GAPVD1: variants seen among roughly 807,000 people sequenced by gnomAD.
GAPVD1 encodes the protein GTPase activating protein and VPS9 domains 1.
A neutral mutation model predicts 155.5 loss-of-function variants in GAPVD1; 35 were observed. That is an observed-to-expected ratio of 0.23 (90% CI 0.17 to 0.30). GAPVD1 has a LOEUF of 0.30. Ranked by LOEUF, GAPVD1 falls within the 10% of genes least tolerant of loss-of-function variation. The pLI is 1.00. For synonymous variants in GAPVD1, 636 were observed against 619.7 expected (o/e 1.03, Z -0.39); for missense variants, 1,429 against 1,775.7 (o/e 0.80, Z 3.51).
chr9:125,322,801 C>A (rs1844532496), intron 10 of GAPVD1, among the ~76,000 whole-genome samples: 1 of 151,826 alleles, frequency 6.6e-6, no homozygotes, highest in South Asian at 2.1e-4. Context: ...GCCTCTAATC[C>A]CAGCACTTTG....
chr9:125,355,175 G>A (rs1343008529), intron 24 of GAPVD1, among the ~76,000 whole-genome samples: 1 of 152,104 alleles, frequency 6.6e-6, no homozygotes, highest in African/African-American at 2.4e-5. Flanking sequence ...GGAGTACAGT[G>A]GCGTGATCTC....
intron 2 of GAPVD1, among the ~76,000 whole-genome samples, chr9:125,290,058 A>T (rs1308944525): frequency 2.0e-5 from 3 of 152,154 alleles, no homozygotes; most frequent in Non-Finnish European, 2.9e-5. Context: ...AGGAGGAATG[A>T]TATTTACCAT....
chr9:125,328,995 TGCCTGCAGTCGCAG>T (rs1306776073), intron 12 of GAPVD1, among the ~76,000 whole-genome samples: 40 of 145,154 alleles, frequency 2.8e-4, no homozygotes, highest in Non-Finnish European at 5.6e-4. Flanking sequence ...TGGCGGCGCG[TGCCTGCAGTCGCAG>T]GCACTCGGCA....
chr9:125,321,326 A>C, intron 9 of GAPVD1, 107 bp from the exon 10 acceptor site: 2 of 739,602 alleles, frequency 2.7e-6, no homozygotes, highest in Non-Finnish European at 4.5e-6. Context: ...TTTGTAGTTA[A>C]AAATTGATAA....
At position 125,354,850 on chromosome 9, in the gene GAPVD1, A is replaced by G. The variant is rs1284513515; in HGVS notation, c.3757+9A>G. ...CAGGGAATTCATTCAAGGTAACTCAATACCTTTAGTTTAAGCATCTCTTCA... is the reference window on the plus strand; with the variant it reads ...CAGGGAATTCATTCAAGGTAACTCAGTACCTTTAGTTTAAGCATCTCTTCA... On this transcript the variant is annotated intron_variant, in intron 24 of 27. Coordinates refer to ENST00000297933, the MANE Select transcript of GAPVD1 (RefSeq NM_001282680.3). The G allele has an allele frequency of 7.0e-6, 11 of 1,573,412 alleles. No individual in the cohort carries two copies. The highest frequency in any genetic ancestry group is 9.6e-6 in the Non-Finnish European group (11 of 1,142,824).
intron 19 of GAPVD1, 48 bp from the exon 20 acceptor site, chr9:125,346,771 T>C: frequency 7.0e-7 from 1 of 1,438,254 alleles, no homozygotes; most frequent in East Asian, 2.3e-5. Flanking sequence ...ACATCAGAGG[T>C]GGTACAAACC....
At chr9:125,312,004 T>C (rs1175521473) in intron 8 of GAPVD1, among the ~76,000 whole-genome samples, 1 of 152,138 alleles carries the variant, frequency 6.6e-6, no homozygotes, top group African/African-American at 2.4e-5. Flanking sequence ...ACAGGAGTAA[T>C]CCCTCATATG....
intron 19 of GAPVD1, among the ~76,000 whole-genome samples, chr9:125,344,215 C>A (rs2132182025): frequency 6.6e-6 from 1 of 152,214 alleles, no homozygotes; most frequent in East Asian, 1.9e-4. Context: ...AATTCTGTGA[C>A]CCTAACTACT....
chr9:125,318,287 A>G (rs1468960207), intron 9 of GAPVD1, among the ~76,000 whole-genome samples: 1 of 152,180 alleles, frequency 6.6e-6, no homozygotes, highest in Admixed American at 6.5e-5. Context: ...GTGGCCAGCT[A>G]AAGTTTTTTT....
intron 23 of GAPVD1, among the ~76,000 whole-genome samples, chr9:125,353,537 G>A (rs1458053171): frequency 3.3e-5 from 5 of 152,090 alleles, no homozygotes; most frequent in Non-Finnish European, 7.3e-5. Context: ...CCAATTTACT[G>A]TATTTGTCTG....
rs939206812 is a variant in GAPVD1 at position 125,306,141 on chromosome 9, C to A, written c.1116+992C>A. Among the ~76,000 whole-genome samples, 3 of 151,980 alleles carry A rather than the reference C, an allele frequency of 2.0e-5. No individual in the cohort carries two copies. The South Asian group carries it at 6.2e-4, about 32-fold the overall frequency. ...CTCTAGTCTTCATTCCCTGCCCCCACAAAACATTCTTTTTTTTTTTGAGAC... is the reference window on the plus strand; with the variant it reads ...CTCTAGTCTTCATTCCCTGCCCCCAAAAAACATTCTTTTTTTTTTTGAGAC... On this transcript the variant is annotated intron_variant, in intron 6 of 27. Coordinates refer to ENST00000297933, the MANE Select transcript of GAPVD1 (RefSeq NM_001282680.3).
chr9:125,275,816 A>C, intron 2 of GAPVD1, among the ~76,000 whole-genome samples: 1 of 152,194 alleles, frequency 6.6e-6, no homozygotes, highest in East Asian at 1.9e-4. Context: ...TAATGATTTC[A>C]AGTTATATAA....
chr9:125,336,948 C>T (rs1490156700), intron 15 of GAPVD1, 70 bp from the exon 16 acceptor site: 4 of 845,474 alleles, frequency 4.7e-6, no homozygotes, highest in African/African-American at 1.7e-5. Flanking sequence ...ATACTTAAAA[C>T]CCTTTAAACT....
chr9:125,317,233 G>T (rs1003813528), intron 9 of GAPVD1, among the ~76,000 whole-genome samples: 27 of 151,684 alleles, frequency 1.8e-4, no homozygotes, highest in Non-Finnish European at 4.0e-4. Context: ...CAGGAGAATC[G>T]CTTGAACCTG....
rs532605677 is a variant in GAPVD1, at chr9:125,268,167, A to G, written c.-198-769A>G. ...CAACAAGAACAAAACTCTGTCTCAA[A>G]AAAAAACAACAACAAACAAACAAAC... On this transcript the variant is annotated intron_variant, in intron 1 of 27. Coordinates refer to ENST00000297933, the MANE Select transcript of GAPVD1 (RefSeq NM_001282680.3). Among the ~76,000 whole-genome samples, 8 of 151,058 alleles carry G rather than the reference A, an allele frequency of 5.3e-5. No homozygotes were observed. The East Asian group carries it at 7.8e-4, about 15-fold the overall frequency.
rs1342440891 is a variant in GAPVD1 at position 125,310,406 on chromosome 9, T to A, written c.1442-2046T>A. ...CATACAATGTGAAGTTGACTTTTGC[T>A]GCTACTATAGTTGTTTTTGCTTTAT... On this transcript the variant is annotated intron_variant, in intron 8 of 27. Transcript: ENST00000297933. 3.3e-5 allele frequency among the ~76,000 whole-genome samples: 5 copies of A among 152,228 alleles called. No individual in the cohort carries two copies. In the East Asian group the frequency reaches 9.6e-4, roughly 29 times the overall value.
intron 2 of GAPVD1, among the ~76,000 whole-genome samples, chr9:125,272,348 G>A (rs1835055356): frequency 6.6e-6 from 1 of 152,174 alleles, no homozygotes; most frequent in Non-Finnish European, 1.5e-5. Context: ...TTTATGCAGA[G>A]ATGATTTCAT....
chr9:125,360,431 A>G (rs1850736649), intron 26 of GAPVD1, 97 bp from the exon 27 acceptor site: 1 of 902,398 alleles, frequency 1.1e-6, no homozygotes, highest in South Asian at 1.5e-5. Flanking sequence ...AAAAGCAACC[A>G]CATTATCCTC....
At chr9:125,290,632 G>T (rs543455521) in intron 2 of GAPVD1, among the ~76,000 whole-genome samples, 1 of 152,280 alleles carries the variant, frequency 6.6e-6, no homozygotes, top group African/African-American at 2.4e-5. Flanking sequence ...TGGAGAGTGG[G>T]ACAGTGGGGG....
Sources: gnomAD v4.1 joint callset for allele counts (sites outside exome capture counted in the v4.1 genomes callset) on GRCh38, gnomAD v4.1.1 for gene constraint, MANE v1.5 for transcripts, NCBI Gene and HGNC (gene_info 2026-07-23, HGNC 2026-07-21) for gene names.